HTT: variants seen among roughly 807,000 people sequenced by gnomAD.
HTT encodes huntington disease protein.
A neutral mutation model predicts 362.3 loss-of-function variants in HTT; 104 were observed. That is an observed-to-expected ratio of 0.29 (90% CI 0.24 to 0.34). The LOEUF (loss-of-function observed/expected upper bound fraction) is 0.34, where lower values mean the gene tolerates loss of function less well. Ranked by LOEUF, HTT falls within the 10% of genes least tolerant of loss-of-function variation. HTT has a pLI of 1.00. For missense variants in HTT, 3,301 were observed against 3,928.6 expected (o/e 0.84, Z 4.27); for synonymous variants, 1,577 against 1,548.7 (o/e 1.02, Z -0.43).
chr4:3,116,623 G>A (rs1715041814), intron 8 of HTT, among the ~76,000 whole-genome samples: 1 of 152,220 alleles, frequency 6.6e-6, no homozygotes, highest in Admixed American at 6.5e-5. Context: ...ACAATGGTGA[G>A]TATTTCAGCT....
chr4:3,236,270 C>G lies in HTT; in HGVS notation c.8891+16C>G. On this transcript the variant is annotated intron_variant, in intron 64 of 66. Coordinates refer to ENST00000355072, the MANE Select transcript of HTT (RefSeq NM_001388492.1). ...TTTTTGATAGGTAAGAAGCGAAGCCCCATCCCTCAGCCGTTAGCTTCCCTA... is the reference window on the plus strand; with the variant it reads ...TTTTTGATAGGTAAGAAGCGAAGCCGCATCCCTCAGCCGTTAGCTTCCCTA... 1 of 1,548,938 alleles carries G rather than the reference C, an allele frequency of 6.5e-7. No individual in the cohort carries two copies. Among genetic ancestry groups the G allele is most frequent in the Non-Finnish European group, 8.9e-7 (1 of 1,120,360 alleles).
At chr4:3,195,032 A>G (rs1719182376) in intron 40 of HTT, among the ~76,000 whole-genome samples, 1 of 152,158 alleles carries the variant, frequency 6.6e-6, no homozygotes, top group African/African-American at 2.4e-5. Flanking sequence ...CCAAGAATGA[A>G]AACCCAAGCA....
At chr4:3,132,769 G>T (rs757291230) in intron 17 of HTT, 45 bp from the exon 18 acceptor site, 6 of 1,612,886 alleles carry the variant, frequency 3.7e-6, no homozygotes, top group Non-Finnish European at 5.1e-6. Context: ...GCTTACTAAG[G>T]TTTAAGTTTA....
intron 61 of HTT, among the ~76,000 whole-genome samples, chr4:3,234,203 G>A (rs1435460125): frequency 6.6e-6 from 1 of 152,256 alleles, no homozygotes; most frequent in Non-Finnish European, 1.5e-5. Context: ...GGAGGTGTGA[G>A]CCAGGGCACA....
rs397805399 is a variant in HTT at position 3,241,951 on chromosome 4, C to CTTG, written c.*1892_*1893insTTG. 6.6e-6 allele frequency: 1 copy of CTTG among 151,184 alleles called. No homozygotes were observed. Among genetic ancestry groups the CTTG allele is most frequent in the Non-Finnish European group, 1.5e-5 (1 of 67,744 alleles). 9.4% of individuals were successfully genotyped at this position (151,184 alleles called of 1,614,324 possible). On this transcript the variant is annotated 3_prime_UTR_variant, in exon 67 of 67. Coordinates refer to ENST00000355072, the MANE Select transcript of HTT (RefSeq NM_001388492.1). ...TATAACACGTAAGAAAATCACCATT[C>CTTG]CGTATTGGTTGGGGGCTCCTGTTTC...
At chr4:3,085,186 A>G (rs899638571) in intron 1 of HTT, among the ~76,000 whole-genome samples, 2 of 151,380 alleles carry the variant, frequency 1.3e-5, no homozygotes, top group African/African-American at 4.9e-5. Context: ...TCCCCAGGCT[A>G]GAGTGCAATG....
At chr4:3,168,634 C>T (rs1322453669) in intron 29 of HTT, among the ~76,000 whole-genome samples, 1 of 152,106 alleles carries the variant, frequency 6.6e-6, no homozygotes, top group Non-Finnish European at 1.5e-5. Flanking sequence ...GACGATTTTT[C>T]ATGTAACTCC....
At chr4:3,107,182 C>A in intron 5 of HTT, 103 bp from the exon 6 acceptor site, 1 of 1,179,204 alleles carries the variant, frequency 8.5e-7, no homozygotes, top group Non-Finnish European at 1.2e-6. Flanking sequence ...CCATTAGGGA[C>A]TGTTGGAATA....
At chr4:3,199,178 C>T (rs1477641934) in intron 40 of HTT, among the ~76,000 whole-genome samples, 1 of 152,216 alleles carries the variant, frequency 6.6e-6, no homozygotes, top group Non-Finnish European at 1.5e-5. Flanking sequence ...GAGGGCTTGG[C>T]ATTGCCGACC....
intron 25 of HTT, among the ~76,000 whole-genome samples, chr4:3,147,155 C>G (rs888999467): frequency 6.6e-6 from 1 of 152,240 alleles, no homozygotes; most frequent in African/African-American, 2.4e-5. Flanking sequence ...AAAGTAGCCT[C>G]TTCCCAATAT....
rs750523088 is a variant in HTT at position 3,240,177 on chromosome 4, G to A, written c.*118G>A. 3.0e-5 allele frequency: 25 copies of A among 835,508 alleles called. No homozygotes were observed. The highest frequency in any genetic ancestry group is 4.3e-5 in the Non-Finnish European group (23 of 534,762). 51.8% of individuals were successfully genotyped at this position (835,508 alleles called of 1,614,324 possible). A position where few individuals can be genotyped will look rare whatever the true frequency, so the allele number is the denominator to read the frequency against. On this transcript the variant is annotated 3_prime_UTR_variant, in exon 67 of 67. Coordinates refer to ENST00000355072, the MANE Select transcript of HTT (RefSeq NM_001388492.1). ...GTCCCTATGGGCTTCCGCACATGCC[G>A]CGGGCGGCCAGGCAACGTGCGTGTC...
rs1472715881 is a variant in HTT at position 3,187,884 on chromosome 4, A to G, written c.5223A>G (p.Ser1741=). The G allele has an allele frequency of 3.8e-6, 6 of 1,592,322 alleles. No homozygotes were observed. Among genetic ancestry groups the G allele is most frequent in the African/African-American group, 1.3e-5 (1 of 74,144 alleles). ...QIKNLPEETF[S]RFLLQLVGIL... is the part of the protein sequence containing the mutation. ...AGAATTTGCCAGAAGAAACATTTTC[A>G]AGGTATGCTTTCTATCTGAGCCTAT... Residue 1741 remains serine (S), a splice_region_variant and synonymous_variant, in exon 39 of 67, where the codon TCA becomes TCG. Transcript: ENST00000355072.
At position 3,242,821 on chromosome 4, in the gene HTT, A is replaced by G. The variant is rs1357495900; in HGVS notation, c.*2762A>G. 3.9e-5 allele frequency: 6 copies of G among 152,170 alleles called. No individual in the cohort carries two copies. The highest frequency in any genetic ancestry group is 1.2e-4 in the African/African-American group (5 of 41,428). The allele number at this position is 152,170 out of a possible 1,614,324, so 9.4% of individuals were successfully genotyped here. A position where few individuals can be genotyped will look rare whatever the true frequency, so the allele number is the denominator to read the frequency against. On this transcript the variant is annotated 3_prime_UTR_variant, in exon 67 of 67. Coordinates refer to ENST00000355072, the MANE Select transcript of HTT (RefSeq NM_001388492.1). Reference sequence around the variant, plus strand: ...GAAACCAGGGTAGAATTGTTTGGCAATGCACTGAAGCGTGTTTCTTTCCCA... The same window carrying G: ...GAAACCAGGGTAGAATTGTTTGGCAGTGCACTGAAGCGTGTTTCTTTCCCA...
intron 1 of HTT, among the ~76,000 whole-genome samples, chr4:3,075,658 C>CGGGGGGGGGG (rs1712496862): frequency 4.2e-5 from 2 of 47,896 alleles, no homozygotes; most frequent in Non-Finnish European, 8.5e-5. Context: ...AGGGGGGGGG[C>CGGGGGGGGGG]GGGGAGTGAG....
In HTT at chr4:3,228,708, G is replaced by A; in HGVS notation, c.7942G>A (p.Ala2648Thr). The A allele has an allele frequency of 6.2e-7, 1 of 1,607,976 alleles. No homozygotes were observed. The highest frequency in any genetic ancestry group is 8.5e-7 in the Non-Finnish European group (1 of 1,176,364). ...EEEEEEADAPAPSSPPTSPVN... is the reference protein window; with the variant it reads ...EEEEEEADAPTPSSPPTSPVN... ...AGAGGAGGAGGAGGCCGACGCCCCT[G>A]CACCTTCGTCACCACCCACGTCTCC... Residue 2648 changes from alanine (A) to threonine (T), a missense_variant, in exon 58 of 67, where the codon GCA becomes ACA. Physicochemically the swap from Ala to Thr is moderately conservative, Grantham distance 58 (BLOSUM62 0). This residue lies in a region of HTT where 753 missense variants were observed against 1,021.3 expected (regional missense o/e 0.74). Transcript: ENST00000355072. The surrounding 1 kb of genome is among the most constrained non-coding windows in gnomAD (Gnocchi z 4.3).
chr4:3,101,015 C>T (rs1279812684), intron 3 of HTT, among the ~76,000 whole-genome samples: 1 of 152,204 alleles, frequency 6.6e-6, no homozygotes, highest in African/African-American at 2.4e-5. Context: ...AGGTGTGAGC[C>T]ACTGTGCCTG....
In HTT at chr4:3,172,928, C is replaced by T. The variant is rs763031471; in HGVS notation, c.3963C>T (p.Gly1321=). Reference sequence around the variant, plus strand: ...TGTAGTTGTTGAAGACTCTCTTTGGCACAAACTTGGCCTCCCAGTTTGATG... The same window carrying T: ...TGTAGTTGTTGAAGACTCTCTTTGGTACAAACTTGGCCTCCCAGTTTGATG... ...CVQQLLKTLF[G]TNLASQFDGL... is the part of the protein sequence containing the mutation. Residue 1321 remains glycine (G), a synonymous_variant, in exon 31 of 67, where the codon GGC becomes GGT. Transcript: ENST00000355072. The T allele has an allele frequency of 2.1e-5, 34 of 1,614,072 alleles. No individual in the cohort carries two copies. In the South Asian group the frequency reaches 3.5e-4, roughly 17 times the overall value.
chr4:3,212,220 C>T, intron 48 of HTT, 78 bp downstream of exon 48: 1 of 1,103,020 alleles, frequency 9.1e-7, no homozygotes, highest in East Asian at 2.6e-5. Context: ...AGTAAATGTA[C>T]AATAAAGGCA....
At chr4:3,105,151 G>C (rs187825545) in intron 4 of HTT, among the ~76,000 whole-genome samples, 5 of 152,210 alleles carry the variant, frequency 3.3e-5, no homozygotes, top group African/African-American at 9.6e-5. Flanking sequence ...TATTAGATGA[G>C]ATGAGAATTA....
Sources: allele counts gnomAD v4.1 joint callset (sites outside exome capture counted in the v4.1 genomes callset), GRCh38; gene constraint gnomAD v4.1.1; regional missense constraint gnomAD v4.1.1; non-coding constraint Gnocchi (gnomAD v3.1); transcripts MANE v1.5; gene names NCBI Gene and HGNC (gene_info 2026-07-23, HGNC 2026-07-21).